The following ATP8A2 variants were observed in gnomAD, a reference collection of about 807,000 sequenced individuals.
ATP8A2 encodes phospholipid-transporting ATPase IB.
ATP8A2 carries 100 observed loss-of-function variants against 165.6 expected under a neutral mutation model. The observed-to-expected ratio is 0.60, with a 90% confidence interval of 0.51 to 0.71. The LOEUF (loss-of-function observed/expected upper bound fraction) is 0.71, where lower values mean the gene tolerates loss of function less well. ATP8A2 is among the 30% of genes least tolerant of loss of function. The pLI is 0.00. For synonymous variants in ATP8A2, 543 were observed against 548.8 expected (o/e 0.99, Z 0.15); for missense variants, 1,227 against 1,479.5 (o/e 0.83, Z 2.80).
chr13:25,565,477 C>T (rs1157436759), intron 16 of ATP8A2, among the ~76,000 whole-genome samples: 1 of 152,200 alleles, frequency 6.6e-6, no homozygotes, highest in Admixed American at 6.5e-5. Context: ...CCTTGATCAT[C>T]AGTGATGTTG....
chr13:25,685,608 C>T (rs189483342), intron 24 of ATP8A2, among the ~76,000 whole-genome samples: 1 of 152,300 alleles, frequency 6.6e-6, no homozygotes, highest in Admixed American at 6.5e-5. Context: ...CCCTAAGAAG[C>T]CACATTGAGG....
chr13:26,018,020 C>G (rs1171892841), intron 36 of ATP8A2, among the ~76,000 whole-genome samples: 1 of 152,200 alleles, frequency 6.6e-6, no homozygotes, highest in African/African-American at 2.4e-5. Context: ...TTCTGTTCAC[C>G]CTGGCTCAGC....
At chr13:25,602,004 T>A (rs1162546741) in intron 24 of ATP8A2, among the ~76,000 whole-genome samples, 1 of 152,076 alleles carries the variant, frequency 6.6e-6, no homozygotes, top group Non-Finnish European at 1.5e-5. Flanking sequence ...AGAAACTTTC[T>A]ATTTTTTTTT....
chr13:25,859,849 C>T (rs9511962), intron 30 of ATP8A2, among the ~76,000 whole-genome samples: 143,564 of 152,250 alleles, frequency 0.94, 68,091 homozygotes, highest in Non-Finnish European at 1. Context: ...GCCCCAACAT[C>T]GATGGCACTT....
At chr13:25,587,098 T>G (rs977168320) in intron 23 of ATP8A2, among the ~76,000 whole-genome samples, 2 of 152,186 alleles carry the variant, frequency 1.3e-5, no homozygotes, top group African/African-American at 4.8e-5. Flanking sequence ...TAGACCTCAA[T>G]TTACAAGTTT....
intron 33 of ATP8A2, among the ~76,000 whole-genome samples, chr13:25,867,633 CT>C (rs1952546198): frequency 6.6e-6 from 1 of 152,164 alleles, no homozygotes; most frequent in Non-Finnish European, 1.5e-5. Context: ...ACTTCCACCC[CT>C]AAGTCCAGGT....
intron 24 of ATP8A2, among the ~76,000 whole-genome samples, chr13:25,600,631 GCCA>G (rs1378418574): frequency 6.6e-6 from 1 of 152,150 alleles, no homozygotes; most frequent in Non-Finnish European, 1.5e-5. Flanking sequence ...GGGAGCCACT[GCCA>G]ACGTCCTGGC....
chr13:25,400,910 C>T (rs1275710981), intron 1 of ATP8A2, among the ~76,000 whole-genome samples: 1 of 152,200 alleles, frequency 6.6e-6, no homozygotes, highest in African/African-American at 2.4e-5. Context: ...TTTGATATTT[C>T]AACAACAGGA....
intron 25 of ATP8A2, among the ~76,000 whole-genome samples, chr13:25,745,395 A>G (rs1172405526): frequency 6.6e-6 from 1 of 152,212 alleles, no homozygotes; most frequent in East Asian, 1.9e-4. Flanking sequence ...TGGCGTGCTC[A>G]GTGACAGGAG....
At chr13:25,938,300 C>T (rs1954974892) in intron 33 of ATP8A2, among the ~76,000 whole-genome samples, 1 of 152,066 alleles carries the variant, frequency 6.6e-6, no homozygotes, top group East Asian at 1.9e-4. Context: ...CGGACTTTTA[C>T]AGCATGATAT....
intron 2 of ATP8A2, among the ~76,000 whole-genome samples, chr13:25,510,023 T>G (rs9578876): frequency 0.059 from 9,023 of 152,310 alleles, 344 homozygotes; most frequent in South Asian, 0.13. Flanking sequence ...GCTGTTGGTC[T>G]GAGTTGTACA....
intron 1 of ATP8A2, among the ~76,000 whole-genome samples, chr13:25,384,598 C>A (rs552708551): frequency 6.6e-6 from 1 of 152,260 alleles, no homozygotes; most frequent in Admixed American, 6.5e-5. Flanking sequence ...TTTATCCTTT[C>A]CAGTTCATAG....
At chr13:25,480,239 G>A (rs955944743) in intron 2 of ATP8A2, among the ~76,000 whole-genome samples, 8 of 151,294 alleles carry the variant, frequency 5.3e-5, no homozygotes, top group Non-Finnish European at 5.9e-5. Context: ...CCCAGTAGGG[G>A]CGGCTGGGCA....
At chr13:25,714,858 G>T (rs1040954921) in intron 25 of ATP8A2, among the ~76,000 whole-genome samples, 2 of 152,190 alleles carry the variant, frequency 1.3e-5, no homozygotes, top group South Asian at 4.1e-4. Context: ...GTAGGAAATA[G>T]ATACCCATGT....
At chr13:25,860,119 C>A (rs1952301317) in intron 30 of ATP8A2, 76 bp from the exon 31 acceptor site, 2 of 895,576 alleles carry the variant, frequency 2.2e-6, no homozygotes, top group African/African-American at 1.6e-5. Flanking sequence ...CTAAAGTTCC[C>A]TGTTTAATGC....
chr13:25,840,180 G>T (rs1243257767), intron 30 of ATP8A2, among the ~76,000 whole-genome samples: 1 of 152,142 alleles, frequency 6.6e-6, no homozygotes, highest in East Asian at 1.9e-4. Flanking sequence ...GGCAGACTCG[G>T]CGTTTTTTCA....
chr13:25,421,584 C>T (rs1435763012), intron 1 of ATP8A2, among the ~76,000 whole-genome samples: 1 of 152,260 alleles, frequency 6.6e-6, no homozygotes. Flanking sequence ...ATTCTCCTGC[C>T]TCAGCCTCCC....
At chr13:25,403,369 C>T (rs1003155599) in intron 1 of ATP8A2, among the ~76,000 whole-genome samples, 1 of 152,164 alleles carries the variant, frequency 6.6e-6, no homozygotes, top group African/African-American at 2.4e-5. Flanking sequence ...ACAAAGGTCC[C>T]AGATGGGTTT....
intron 34 of ATP8A2, among the ~76,000 whole-genome samples, chr13:25,964,223 G>C (rs1448970675): frequency 2.0e-5 from 3 of 152,170 alleles, no homozygotes; most frequent in African/African-American, 7.2e-5. Context: ...TTTATTTAGG[G>C]GAGCAGGGAA....
Sources: allele counts gnomAD v4.1 joint callset (sites outside exome capture counted in the v4.1 genomes callset), GRCh38; gene constraint gnomAD v4.1.1; transcripts MANE v1.5; gene names NCBI Gene and HGNC (gene_info 2026-07-23, HGNC 2026-07-21).